Variants in FMR1NB observed in about 807,000 individuals in gnomAD.
The protein encoded by FMR1NB is FMR1 neighbor protein.
In FMR1NB, 10 loss-of-function variants were observed where a neutral mutation model predicts 16.8. The observed-to-expected ratio is 0.60, with a 90% CI of 0.37 to 1.01. The LOEUF (loss-of-function observed/expected upper bound fraction) is 1.01. Ranked by LOEUF, FMR1NB falls within the 50% of genes least tolerant of loss-of-function variation. FMR1NB has a pLI of 0.01. For synonymous variants in FMR1NB, 83 were observed against 79.1 expected (o/e 1.05, Z -0.26); for missense variants, 205 against 204.8 (o/e 1.00, Z 0.00).
intron 1 of FMR1NB, among the ~76,000 whole-genome samples, chrX:147,999,728 G>C (rs1159487797): frequency 9.0e-6 from 1 of 111,372 alleles, no homozygotes; most frequent in African/African-American, 3.3e-5. Context: ...GATCTTGTCT[G>C]ACTTGTTCAC....
At chrX:148,006,576 C>T in intron 2 of FMR1NB, 126 bp from the exon 3 acceptor site, 3 of 644,889 alleles carry the variant, frequency 4.7e-6, no homozygotes, top group Non-Finnish European at 6.8e-6. Context: ...TCTTTTAGCA[C>T]CCATCATTAG....
chrX:147,998,154 C>T (rs989043963), intron 1 of FMR1NB, among the ~76,000 whole-genome samples: 7 of 112,379 alleles, frequency 6.2e-5, no homozygotes, highest in South Asian at 3.7e-4. Context: ...CACATGCACA[C>T]GTATGTTTAT....
At chrX:148,017,837 A>G (rs1342663492) in intron 4 of FMR1NB, among the ~76,000 whole-genome samples, 1 of 105,438 alleles carries the variant, frequency 9.5e-6, no homozygotes, top group Admixed American at 1.0e-4. Context: ...ATGATTTCCA[A>G]TTTCATCCAT....
rs992649600 is a variant in FMR1NB at position 148,003,057 on chromosome X, C to T, written c.278-144C>T. On this transcript the variant is annotated intron_variant, in intron 1 of 5. Coordinates refer to ENST00000370467, the MANE Select transcript of FMR1NB (RefSeq NM_152578.3). ...AATTGCATTCTGATTATTAATGATG[C>T]TTAAGCTGTTATGAGATGAAAGTAT... is the stretch of plus-strand genomic sequence containing the variant. The T allele has an allele frequency of 5.7e-5, 35 of 613,165 alleles. 1 individual carries two copies. In the Admixed American group the frequency reaches 1.1e-3, roughly 20 times the overall value. The allele number at this position is 613,165 out of a possible 1,213,427, so 50.5% of individuals were successfully genotyped here.
chrX:147,996,925 G>A (rs1213736082), intron 1 of FMR1NB, among the ~76,000 whole-genome samples: 1 of 112,049 alleles, frequency 8.9e-6, no homozygotes, highest in African/African-American at 3.2e-5. Flanking sequence ...TCTTTTATTT[G>A]CTGAACATGC....
chrX:147,988,236 C>G (rs1356381369), intron 1 of FMR1NB, among the ~76,000 whole-genome samples: 1 of 111,533 alleles, frequency 9.0e-6, no homozygotes, highest in Non-Finnish European at 1.9e-5. Context: ...ATTTGCTTGT[C>G]TGTAAGGATT....
At chrX:147,988,595 T>A (rs140749678) in intron 1 of FMR1NB, among the ~76,000 whole-genome samples, 1 of 111,682 alleles carries the variant, frequency 9.0e-6, no homozygotes, top group Non-Finnish European at 1.9e-5. Flanking sequence ...CATCCTGAAG[T>A]GTGTTTTCCA....
At chrX:147,984,471 A>T in intron 1 of FMR1NB, among the ~76,000 whole-genome samples, 1 of 112,124 alleles carries the variant, frequency 8.9e-6, no homozygotes, top group Non-Finnish European at 1.9e-5. Context: ...ATTCTTTTGT[A>T]TGCTATTGCA....
intron 4 of FMR1NB, among the ~76,000 whole-genome samples, chrX:148,024,007 G>A (rs2044691917): frequency 9.0e-6 from 1 of 111,656 alleles, no homozygotes; most frequent in Non-Finnish European, 1.9e-5. Flanking sequence ...GATAGAAATA[G>A]TACCTGCCTC....
intron 2 of FMR1NB, 31 bp from the exon 3 acceptor site, chrX:148,006,671 A>G (rs1557189121): frequency 4.2e-6 from 5 of 1,183,461 alleles, no homozygotes; most frequent in Non-Finnish European, 5.7e-6. Flanking sequence ...ACCATGCTGA[A>G]TTCTCTTTCT....
At position 148,017,554 on chromosome X, in the gene FMR1NB, T is replaced by A. The variant is rs782156319; in HGVS notation, c.633-7311T>A. ...TTTTTTTTTCTTTTTTTTAATTTTT[T>A]AAATTTTATTATTATTATACTTTAA... is the stretch of plus-strand genomic sequence containing the variant. On this transcript the variant is annotated intron_variant, in intron 4 of 5. Coordinates refer to ENST00000370467, the MANE Select transcript of FMR1NB (RefSeq NM_152578.3). Among the ~76,000 whole-genome samples the A allele has an allele frequency of 4.0e-3, 440 of 110,226 alleles. 6 individuals carry two copies. Among genetic ancestry groups the A allele is most frequent in the African/African-American group, 0.014 (411 of 30,332 alleles).
intron 1 of FMR1NB, among the ~76,000 whole-genome samples, chrX:147,992,097 C>G (rs782288152): frequency 8.9e-6 from 1 of 111,773 alleles, no homozygotes; most frequent in Non-Finnish European, 1.9e-5. Flanking sequence ...CTTCTCAATC[C>G]CTTCCCCACC....
intron 4 of FMR1NB, among the ~76,000 whole-genome samples, chrX:148,022,705 T>C (rs1322348606): frequency 9.0e-6 from 1 of 111,407 alleles, no homozygotes; most frequent in Non-Finnish European, 1.9e-5. Flanking sequence ...TAAATGTTAG[T>C]CATATAGCCA....
intron 5 of FMR1NB, among the ~76,000 whole-genome samples, chrX:148,025,509 C>T (rs139903164): frequency 0.027 from 3,021 of 111,572 alleles, 56 homozygotes; most frequent in African/African-American, 0.068. Context: ...CAGAATCATA[C>T]ACTAGGGACT....
chrX:147,993,777 GTTC>G (rs782133771), intron 1 of FMR1NB, among the ~76,000 whole-genome samples: 15 of 109,691 alleles, frequency 1.4e-4, no homozygotes, highest in East Asian at 5.8e-4. Flanking sequence ...CTCTCCAAAA[GTTC>G]TTCTCCCCAC....
chrX:147,998,552 A>G (rs782768467), intron 1 of FMR1NB, among the ~76,000 whole-genome samples: 63 of 112,258 alleles, frequency 5.6e-4, no homozygotes, highest in Non-Finnish European at 1.0e-3. Context: ...ATGTATACCT[A>G]TGTAACAAAC....
At chrX:147,998,285 T>C (rs370957468) in intron 1 of FMR1NB, among the ~76,000 whole-genome samples, 1 of 112,115 alleles carries the variant, frequency 8.9e-6, no homozygotes, top group Non-Finnish European at 1.9e-5. Flanking sequence ...TAAAAAAGAA[T>C]GAGTTCATGT....
At chrX:148,015,448 G>A (rs1214913109) in intron 4 of FMR1NB, among the ~76,000 whole-genome samples, 1 of 111,146 alleles carries the variant, frequency 9.0e-6, no homozygotes, top group African/African-American at 3.3e-5. Context: ...TTTGATATAG[G>A]TACTTACAGC....
At chrX:147,991,466 C>T (rs1424631840) in intron 1 of FMR1NB, among the ~76,000 whole-genome samples, 1 of 109,741 alleles carries the variant, frequency 9.1e-6, no homozygotes, top group Non-Finnish European at 1.9e-5. Context: ...TCTTTCACCT[C>T]CCCTCACAAA....
Sources: gnomAD v4.1 joint callset for allele counts (sites outside exome capture counted in the v4.1 genomes callset) on GRCh38, gnomAD v4.1.1 for gene constraint, MANE v1.5 for transcripts, NCBI Gene and HGNC (gene_info 2026-07-23, HGNC 2026-07-21) for gene names.